Variants in CMIP observed in about 807,000 individuals in gnomAD.
CMIP encodes the protein C-Maf-inducing protein.
In CMIP, 13 loss-of-function variants were observed where a neutral mutation model predicts 97.3. The ratio of observed to expected loss-of-function variants is 0.13; its 90% CI spans 0.09 to 0.21. The LOEUF (loss-of-function observed/expected upper bound fraction) is 0.21. Ranked by LOEUF, CMIP falls within the 10% of genes least tolerant of loss-of-function variation. The pLI is 1.00. For synonymous variants in CMIP, 538 were observed against 436.3 expected (o/e 1.23, Z -2.91); for missense variants, 847 against 1,024.9 (o/e 0.83, Z 2.37).
At chr16:81,630,760 A>G (rs2092145676) in intron 3 of CMIP, 1 of 152,216 alleles carries the variant, frequency 6.6e-6, no homozygotes, top group South Asian at 2.1e-4. Flanking sequence ...AATTTCTGGC[A>G]CTCAGTCAAA....
rs149351914 is a variant in CMIP, at chr16:81,650,887, C to T, written c.478-1316C>T. Among the ~76,000 whole-genome samples the T allele has an allele frequency of 1.7e-3, 263 of 152,288 alleles. 1 individual carries two copies. Among genetic ancestry groups the T allele is most frequent in the African/African-American group, 6.1e-3 (252 of 41,566 alleles). ...ATCTTTCCGACTCAGGTCCACCTCC[C>T]GTCCCACCAGTGTGCCTCACCGACA... On this transcript the variant is annotated intron_variant, in intron 3 of 20. Coordinates refer to ENST00000537098, the MANE Select transcript of CMIP (RefSeq NM_198390.3).
chr16:81,586,694 G>A (rs2091388860), intron 1 of CMIP, among the ~76,000 whole-genome samples: 1 of 152,108 alleles, frequency 6.6e-6, no homozygotes. Flanking sequence ...CATACTCTCT[G>A]AAGTATTCGT....
At chr16:81,708,442 G>A (rs1597284093) in intron 20 of CMIP, among the ~76,000 whole-genome samples, 1 of 32,044 alleles carries the variant, frequency 3.1e-5, no homozygotes, top group African/African-American at 1.2e-4. Flanking sequence ...AGATGCTACT[G>A]TGAGACCAAG....
At position 81,704,085 on chromosome 16, in the gene CMIP, G is replaced by C; in HGVS notation, c.2091G>C (p.Gln697His). 1 of 1,603,360 alleles carries C rather than the reference G, an allele frequency of 6.2e-7. No homozygotes were observed. The highest frequency in any genetic ancestry group is 8.5e-7 in the Non-Finnish European group (1 of 1,176,138). ...SLKQLNLWST[Q>H]FGDAGLRLLS... is the part of the protein sequence containing the mutation. Reference sequence around the variant, plus strand: ...AGCAGCTGAACCTGTGGTCCACTCAGGTACGTCCTCCCGCCCTGCTGCAGT... The same window carrying C: ...AGCAGCTGAACCTGTGGTCCACTCACGTACGTCCTCCCGCCCTGCTGCAGT... The change falls in exon 18 of 21, where the codon CAG (glutamine) becomes CAC (histidine). Residue 697 changes from glutamine (Q) to histidine (H), a missense_variant and splice_region_variant. By Grantham distance (24) the Gln-to-His change is conservative. This residue lies in a region of CMIP where 266 missense variants were observed against 384.2 expected (regional missense o/e 0.69). Transcript: ENST00000537098.
chr16:81,683,922 G>A (rs1049698519), intron 10 of CMIP, among the ~76,000 whole-genome samples: 33 of 150,854 alleles, frequency 2.2e-4, no homozygotes, highest in South Asian at 6.3e-4. Flanking sequence ...CGCCTAGCCC[G>A]GCTAATTTTT....
At chr16:81,528,467 C>A (rs140167816) in intron 1 of CMIP, among the ~76,000 whole-genome samples, 2 of 152,142 alleles carry the variant, frequency 1.3e-5, no homozygotes, top group Non-Finnish European at 2.9e-5. Flanking sequence ...ATTGATATGA[C>A]CAGAGGTGGA....
chr16:81,693,405 C>G, intron 12 of CMIP, 34 bp from the exon 13 acceptor site: 1 of 1,602,484 alleles, frequency 6.2e-7, no homozygotes. Context: ...GTTCCAGACC[C>G]CGGCAGTAAC....
chr16:81,537,110 C>T (rs1182299923), intron 1 of CMIP, among the ~76,000 whole-genome samples: 5 of 152,206 alleles, frequency 3.3e-5, no homozygotes, highest in Non-Finnish European at 1.5e-5. Context: ...CAGGACCAGT[C>T]ATGGCAGAAC....
chr16:81,557,359 G>C (rs1156901602), intron 1 of CMIP, among the ~76,000 whole-genome samples: 1 of 144,372 alleles, frequency 6.9e-6, no homozygotes, highest in African/African-American at 2.8e-5. Flanking sequence ...GATGTTGGTT[G>C]AATTCACTCA....
At chr16:81,570,370 G>A (rs1241127346) in intron 1 of CMIP, among the ~76,000 whole-genome samples, 25 of 152,194 alleles carry the variant, frequency 1.6e-4, no homozygotes, top group Admixed American at 1.4e-3. Flanking sequence ...CCAGTGCTGT[G>A]CGGGGGAAGC....
intron 1 of CMIP, among the ~76,000 whole-genome samples, chr16:81,470,308 G>A (rs1907445915): frequency 6.6e-6 from 1 of 152,038 alleles, no homozygotes; most frequent in Admixed American, 6.6e-5. Context: ...GCCCCGTCCA[G>A]GCAGCTTGGG....
intron 14 of CMIP, chr16:81,697,467 T>A (rs1476270611): frequency 1.3e-5 from 2 of 152,246 alleles, no homozygotes; most frequent in African/African-American, 4.8e-5. Flanking sequence ...CAGCTCCATT[T>A]ACTGGTCACT....
rs762973391 is a variant in CMIP at position 81,706,998 on chromosome 16, T to C, written c.2198-16T>C. The C allele has an allele frequency of 1.9e-6, 3 of 1,612,702 alleles. No homozygotes were observed. Among genetic ancestry groups the C allele is most frequent in the South Asian group, 2.2e-5 (2 of 90,994 alleles). ...GGGCCTCGCTCTCCTAACAACTGTA[T>C]CTGTCTCTTGTGCAGCCATGAAGAG... is the stretch of plus-strand genomic sequence containing the variant. On this transcript the variant is annotated splice_polypyrimidine_tract_variant and intron_variant, in intron 19 of 20. Transcript: ENST00000537098.
chr16:81,535,442 T>TGCTCATG (rs2090323684), intron 1 of CMIP, among the ~76,000 whole-genome samples: 1 of 151,450 alleles, frequency 6.6e-6, no homozygotes, highest in Non-Finnish European at 1.5e-5. Context: ...CTGTCACTTC[T>TGCTCATG]GCTCATGGTA....
intron 1 of CMIP, among the ~76,000 whole-genome samples, chr16:81,520,914 C>G (rs12921841): frequency 0.5 from 76,071 of 151,960 alleles, 22,547 homozygotes; most frequent in Middle Eastern, 0.72. Context: ...GAGCTGCTGT[C>G]GTGAGTGTGT....
At chr16:81,667,797 AGAGTGTGTGT>A (rs1334209497) in intron 7 of CMIP, among the ~76,000 whole-genome samples, 23 of 65,016 alleles carry the variant, frequency 3.5e-4, no homozygotes, top group African/African-American at 1.2e-3. Flanking sequence ...AGAGAGAGAG[AGAGTGTGTGT>A]GTGTGTGTGT....
chr16:81,470,077 C>T lies in CMIP; in HGVS notation c.300+24536C>T, dbSNP rs919624632. 2.0e-5 allele frequency among the ~76,000 whole-genome samples: 3 copies of T among 152,228 alleles called. No homozygotes were observed. The East Asian group carries it at 5.8e-4, about 29-fold the overall frequency. ...TACTATCTTGTGCAGAAATCATGAG[C>T]AGGAGGAAGAACAAACCACTTCCTC... On this transcript the variant is annotated intron_variant, in intron 1 of 20. Transcript: ENST00000537098.
At chr16:81,579,731 G>C (rs1341927680) in intron 1 of CMIP, among the ~76,000 whole-genome samples, 2 of 151,962 alleles carry the variant, frequency 1.3e-5, no homozygotes, top group Admixed American at 6.6e-5. Flanking sequence ...AAAAAAAATG[G>C]ATCACGAGGT....
At chr16:81,515,453 G>A (rs939846111) in intron 1 of CMIP, among the ~76,000 whole-genome samples, 1 of 152,148 alleles carries the variant, frequency 6.6e-6, no homozygotes, top group Non-Finnish European at 1.5e-5. Flanking sequence ...TGGGTGGGCG[G>A]GCACCACTGG....
Sources: gnomAD v4.1 joint callset for allele counts (sites outside exome capture counted in the v4.1 genomes callset) on GRCh38, gnomAD v4.1.1 for gene constraint, gnomAD v4.1.1 regional missense constraint, MANE v1.5 for transcripts, NCBI Gene and HGNC (gene_info 2026-07-23, HGNC 2026-07-21) for gene names.